Variants in PCDHGB7 observed in about 807,000 individuals in gnomAD.
PCDHGB7 encodes the protein protocadherin gamma-B7.
In PCDHGB7, 37 loss-of-function variants were observed where a neutral mutation model predicts 61.4. The ratio of observed to expected loss-of-function variants is 0.60; its 90% CI spans 0.46 to 0.79. PCDHGB7 has a LOEUF of 0.79. PCDHGB7 is among the 30% of genes least tolerant of loss of function. The probability of loss-of-function intolerance (pLI) is 0.00; values close to 1 mark genes in which losing one functional copy is unlikely to be tolerated. For missense variants in PCDHGB7, 1,166 were observed against 1,202.5 expected (o/e 0.97, Z 0.45); for synonymous variants, 464 against 503.5 (o/e 0.92, Z 1.05).
chr5:141,451,116 CCA>C (rs1257364243), intron 1 of PCDHGB7, among the ~76,000 whole-genome samples: 1 of 152,200 alleles, frequency 6.6e-6, no homozygotes, highest in Non-Finnish European at 1.5e-5. Context: ...GCGTGAGCCA[CCA>C]CACCCAGCCT....
intron 1 of PCDHGB7, among the ~76,000 whole-genome samples, chr5:141,470,483 G>T (rs1163257164): frequency 6.6e-6 from 1 of 152,112 alleles, no homozygotes; most frequent in African/African-American, 2.4e-5. Context: ...CTAACCCTCT[G>T]GGAATAATAT....
At chr5:141,422,464 A>G (rs1303001624) in intron 1 of PCDHGB7, 1 of 1,613,502 alleles carries the variant, frequency 6.2e-7, no homozygotes, top group Admixed American at 1.7e-5. Context: ...AGTGCTGGAC[A>G]GGGAGTTGGT....
At chr5:141,426,657 A>G (rs1369635444) in intron 1 of PCDHGB7, 2 of 425,278 alleles carry the variant, frequency 4.7e-6, no homozygotes, top group Non-Finnish European at 9.7e-6. Flanking sequence ...GATAGAAGAT[A>G]TAAATGATAA....
rs61612330 is a variant in PCDHGB7 at position 141,454,796 on chromosome 5, A to ATTTTTTTTTT, written c.2415+34542_2415+34551dup. Among the ~76,000 whole-genome samples, 264 of 77,454 alleles carry ATTTTTTTTTT rather than the reference A, an allele frequency of 3.4e-3. 39 individuals carry two copies. Among genetic ancestry groups the ATTTTTTTTTT allele is most frequent in the African/African-American group, 0.012 (196 of 16,878 alleles). 50.8% of individuals were successfully genotyped at this position (77,454 alleles called of 152,430 possible). A position where few individuals can be genotyped will look rare whatever the true frequency, so the allele number is the denominator to read the frequency against. ...AAGGAAATAATCCTCCATGGTTCTA[A>ATTTTTTTTTT]TTTTTTTTTTTTTTTTTTTTTTTTT... On this transcript the variant is annotated intron_variant, in intron 1 of 3. Transcript: ENST00000398594.
At chr5:141,440,115 A>G (rs921555018) in intron 1 of PCDHGB7, 4 of 152,250 alleles carry the variant, frequency 2.6e-5, no homozygotes, top group African/African-American at 4.8e-5. Flanking sequence ...TTACTTGTGA[A>G]TGACTGAATG....
rs1562157859 is a variant in PCDHGB7 at position 141,493,022 on chromosome 5, G to GTGCC, written c.2416-1784_2416-1781dup. Among the ~76,000 whole-genome samples, 2 of 152,222 alleles carry GTGCC rather than the reference G, an allele frequency of 1.3e-5. No homozygotes were observed. Among genetic ancestry groups the GTGCC allele is most frequent in the African/African-American group, 4.8e-5 (2 of 41,454 alleles). ...GCTATAGGCTCTGCCAGATGCCAGG[G>GTGCC]TGCCCTTATGTGTGAGGAAACTACA... On this transcript the variant is annotated intron_variant, in intron 1 of 3. Coordinates refer to ENST00000398594, the MANE Select transcript of PCDHGB7 (RefSeq NM_018927.4). The surrounding 1 kb of genome is among the most constrained non-coding windows in gnomAD (Gnocchi z 4.3).
In PCDHGB7 at chr5:141,511,548, A is replaced by C; in HGVS notation, c.*375A>C. 3.3e-6 allele frequency: 1 copy of C among 306,952 alleles called. No homozygotes were observed. The highest frequency in any genetic ancestry group is 6.3e-6 in the Non-Finnish European group (1 of 158,248). 19.0% of individuals were successfully genotyped at this position (306,952 alleles called of 1,614,324 possible). ...CCTCCCTCCTCCCCACCCCACTCCA[A>C]CAGTTCCTCTTTCCCGAGTAAGGTG... is the stretch of plus-strand genomic sequence containing the variant. On this transcript the variant is annotated 3_prime_UTR_variant, in exon 4 of 4. Transcript: ENST00000398594.
chr5:141,503,654 G>C (rs1248501987), intron 2 of PCDHGB7, among the ~76,000 whole-genome samples: 1 of 150,388 alleles, frequency 6.6e-6, no homozygotes, highest in Non-Finnish European at 1.5e-5. Flanking sequence ...AATGGAAACA[G>C]AATTACAACT....
chr5:141,489,477 G>C lies in PCDHGB7; in HGVS notation c.2416-5330G>C, dbSNP rs2154581232. 1.9e-6 allele frequency: 3 copies of C among 1,614,108 alleles called. No homozygotes were observed. Among genetic ancestry groups the C allele is most frequent in the Non-Finnish European group, 2.5e-6 (3 of 1,180,034 alleles). ...ATGGGCGCTATTTTTCCCTGAGCTT[G>C]ATGAGTGGTGCCCTGGCAGTGAATC... is the stretch of plus-strand genomic sequence containing the variant. On this transcript the variant is annotated intron_variant, in intron 1 of 3. Coordinates refer to ENST00000398594, the MANE Select transcript of PCDHGB7 (RefSeq NM_018927.4). This position sits in a 1 kb window ranked among gnomAD's most constrained non-coding sequence, Gnocchi z 4.5.
chr5:141,454,564 G>A (rs896426143), intron 1 of PCDHGB7, among the ~76,000 whole-genome samples: 1 of 151,874 alleles, frequency 6.6e-6, no homozygotes, highest in Non-Finnish European at 1.5e-5. Context: ...GTGCCACCAC[G>A]CCCGGCTAAT....
chr5:141,433,878 T>C (rs774226497), intron 1 of PCDHGB7, among the ~76,000 whole-genome samples: 15 of 151,848 alleles, frequency 9.9e-5, no homozygotes, highest in Non-Finnish European at 1.5e-4. Flanking sequence ...GTTTCATCCA[T>C]TGATGACACT....
At chr5:141,484,506 G>T (rs1442936814) in intron 1 of PCDHGB7, among the ~76,000 whole-genome samples, 1 of 152,186 alleles carries the variant, frequency 6.6e-6, no homozygotes, top group Non-Finnish European at 1.5e-5. Context: ...TGAATATTCT[G>T]CAGAAGGGCA....
intron 1 of PCDHGB7, among the ~76,000 whole-genome samples, chr5:141,480,960 A>G (rs954219522): frequency 1.3e-5 from 2 of 152,190 alleles, no homozygotes; most frequent in African/African-American, 4.8e-5. Context: ...CGGAAGCATC[A>G]GTGAGGGAGA....
At chr5:141,449,106 T>A (rs2154562506) in intron 1 of PCDHGB7, among the ~76,000 whole-genome samples, 2 of 152,314 alleles carry the variant, frequency 1.3e-5, no homozygotes, top group East Asian at 3.9e-4. Context: ...ATGCAGTATA[T>A]CTTTGGGATG....
At chr5:141,505,993 T>TGCGA (rs2099849805) in intron 3 of PCDHGB7, among the ~76,000 whole-genome samples, 1 of 152,188 alleles carries the variant, frequency 6.6e-6, no homozygotes, top group African/African-American at 2.4e-5. Context: ...CTCCTCTTTA[T>TGCGA]GCGAGGCTCC....
At chr5:141,422,862 C>T in intron 1 of PCDHGB7, 1 of 1,614,270 alleles carries the variant, frequency 6.2e-7, no homozygotes, top group Non-Finnish European at 8.5e-7. Flanking sequence ...CCCTCAGCAG[C>T]AACGTGTCGC....
At chr5:141,435,730 T>C (rs913229799) in intron 1 of PCDHGB7, among the ~76,000 whole-genome samples, 1 of 152,226 alleles carries the variant, frequency 6.6e-6, no homozygotes, top group African/African-American at 2.4e-5. Context: ...TAAAGTGTAT[T>C]ACTCTTTGAA....
At chr5:141,427,923 C>T (rs2097089935) in intron 1 of PCDHGB7, 3 of 1,580,656 alleles carry the variant, frequency 1.9e-6, no homozygotes, top group African/African-American at 1.3e-5. Context: ...CATGAGCCGG[C>T]GCATGTTGGT....
At chr5:141,475,146 G>A (rs938308425) in intron 1 of PCDHGB7, among the ~76,000 whole-genome samples, 3 of 152,014 alleles carry the variant, frequency 2.0e-5, no homozygotes, top group African/African-American at 4.8e-5. Context: ...AATCTTCTCC[G>A]TCTTCTTCTT....
Sources: allele counts gnomAD v4.1 joint callset (sites outside exome capture counted in the v4.1 genomes callset), GRCh38; gene constraint gnomAD v4.1.1; non-coding constraint Gnocchi (gnomAD v3.1); transcripts MANE v1.5; gene names NCBI Gene and HGNC (gene_info 2026-07-23, HGNC 2026-07-21).